The following WWOX variants were observed in gnomAD, a reference collection of about 807,000 sequenced individuals.
The protein encoded by WWOX is WW domain containing oxidoreductase.
In WWOX, 69 loss-of-function variants were observed where a neutral mutation model predicts 46.2. That is an observed-to-expected ratio of 1.49 (90% confidence interval 1.23 to 1.82). WWOX has a LOEUF of 1.82. Ranked by LOEUF, WWOX falls within the 40% of genes most tolerant of loss-of-function variation. WWOX has a pLI of 0.00. For missense variants in WWOX, 919 were observed against 542.6 expected (o/e 1.69, Z -6.89); for synonymous variants, 359 against 202.6 (o/e 1.77, Z -6.56).
intron 8 of WWOX, among the ~76,000 whole-genome samples, chr16:78,930,169 T>C (rs1465669150): frequency 6.7e-6 from 1 of 149,524 alleles, no homozygotes; most frequent in African/African-American, 2.5e-5. Context: ...GGAACTTGGG[T>C]CCTGAAAATT....
At chr16:78,997,157 G>A (rs1431379938) in intron 8 of WWOX, among the ~76,000 whole-genome samples, 1 of 151,354 alleles carries the variant, frequency 6.6e-6, no homozygotes, top group Non-Finnish European at 1.5e-5. Context: ...TGGTGAGGGG[G>A]GTGCTATTTT....
At chr16:78,138,395 C>G (rs2033872785) in intron 4 of WWOX, among the ~76,000 whole-genome samples, 1 of 136,908 alleles carries the variant, frequency 7.3e-6, no homozygotes, top group South Asian at 2.3e-4. Flanking sequence ...TAAAGATGTG[C>G]TCGTGATGTG....
At chr16:78,206,170 G>T (rs1472130270) in intron 5 of WWOX, among the ~76,000 whole-genome samples, 1 of 151,886 alleles carries the variant, frequency 6.6e-6, no homozygotes, top group Non-Finnish European at 1.5e-5. Flanking sequence ...CCATTTCAGG[G>T]TTTTGAGATA....
intron 8 of WWOX, among the ~76,000 whole-genome samples, chr16:78,866,685 C>A (rs760964895): frequency 3.9e-5 from 6 of 152,146 alleles, no homozygotes; most frequent in Non-Finnish European, 7.3e-5. Flanking sequence ...CCTGATTGTT[C>A]TAAGTAAATG....
intron 8 of WWOX, among the ~76,000 whole-genome samples, chr16:79,187,939 G>C (rs1435757616): frequency 1.3e-5 from 2 of 152,200 alleles, no homozygotes; most frequent in Admixed American, 1.3e-4. Context: ...GGATGGCAAG[G>C]CACGATTGAT....
chr16:78,605,636 T>A (rs1310835950), intron 8 of WWOX, among the ~76,000 whole-genome samples: 2 of 152,218 alleles, frequency 1.3e-5, no homozygotes, highest in Non-Finnish European at 2.9e-5. Flanking sequence ...TTTCTTTATT[T>A]AGAAACTCAG....
intron 8 of WWOX, among the ~76,000 whole-genome samples, chr16:79,038,283 A>G (rs1053081811): frequency 2.6e-5 from 4 of 152,202 alleles, no homozygotes; most frequent in Non-Finnish European, 5.9e-5. Flanking sequence ...TGAAGATAAA[A>G]TACATAAAAG....
chr16:78,771,871 A>C (rs547663166), intron 8 of WWOX, among the ~76,000 whole-genome samples: 3 of 152,226 alleles, frequency 2.0e-5, no homozygotes, highest in East Asian at 3.8e-4. Context: ...CTCTCACAAA[A>C]AAAAAGTTAA....
chr16:78,114,916 C>G (rs2032694858), intron 3 of WWOX, 60 bp from the exon 4 acceptor site: 12 of 1,609,106 alleles, frequency 7.5e-6, no homozygotes, highest in South Asian at 1.1e-5. Context: ...ATAAGATTGT[C>G]TTATATTTAT....
At chr16:78,456,699 G>C (rs1374940778) in intron 8 of WWOX, among the ~76,000 whole-genome samples, 3 of 152,162 alleles carry the variant, frequency 2.0e-5, no homozygotes, top group Admixed American at 2.0e-4. Context: ...AAGGATGTAA[G>C]ACAGATTCTA....
At chr16:79,032,451 T>A (rs1057351020) in intron 8 of WWOX, among the ~76,000 whole-genome samples, 14 of 147,378 alleles carry the variant, frequency 9.5e-5, no homozygotes, top group Admixed American at 1.4e-4. Context: ...TATATATGGG[T>A]TTCTATATAT....
Position 78,830,036 on chromosome 16 carries a change from T to A in WWOX, c.1057-381572T>A, listed in dbSNP as rs551315953. On this transcript the variant is annotated intron_variant, in intron 8 of 8. Transcript: ENST00000566780. ...GCTTTGGGAGTCTGAAGTGGTAGGA[T>A]CACTAGAGGTCAGGAGTTCAAGACC... 2.6e-5 allele frequency among the ~76,000 whole-genome samples: 4 copies of A among 152,102 alleles called. No homozygotes were observed. In the South Asian group the frequency reaches 8.3e-4, roughly 32 times the overall value.
intron 8 of WWOX, among the ~76,000 whole-genome samples, chr16:78,797,512 A>G (rs563349994): frequency 3.9e-5 from 6 of 152,268 alleles, no homozygotes; most frequent in Admixed American, 1.3e-4. Context: ...AGTCAAGACA[A>G]GAGTGCCAGC....
At position 78,614,981 on chromosome 16, in the gene WWOX, C is replaced by G. The variant is rs1159250630; in HGVS notation, c.1056+182229C>G. Among the ~76,000 whole-genome samples the G allele has an allele frequency of 2.6e-5, 4 of 152,056 alleles. No individual in the cohort carries two copies. The South Asian group carries it at 8.3e-4, about 32-fold the overall frequency. On this transcript the variant is annotated intron_variant, in intron 8 of 8. Transcript: ENST00000566780. ...TTGATACATGTTTAATCACGTTTTG[C>G]TCTGGGCTGTGTTATATACAGCTCC... is the stretch of plus-strand genomic sequence containing the variant.
intron 8 of WWOX, among the ~76,000 whole-genome samples, chr16:78,973,279 C>G (rs980626332): frequency 1.3e-5 from 2 of 152,064 alleles, no homozygotes; most frequent in South Asian, 2.1e-4. Context: ...TGCAGAAGTC[C>G]GGGCTGTCAT....
At chr16:78,547,688 T>G (rs2044073795) in intron 8 of WWOX, among the ~76,000 whole-genome samples, 2 of 152,280 alleles carry the variant, frequency 1.3e-5, no homozygotes, top group East Asian at 1.9e-4. Context: ...CGGCCCACTT[T>G]CTGGTTCCTA....
chr16:78,514,729 G>T (rs1296387870), intron 8 of WWOX, among the ~76,000 whole-genome samples: 1 of 152,094 alleles, frequency 6.6e-6, no homozygotes, highest in Non-Finnish European at 1.5e-5. Context: ...TGTACAGGGT[G>T]GTTTTCTGGC....
chr16:79,208,373 T>C (rs2051592814), intron 8 of WWOX, among the ~76,000 whole-genome samples: 2 of 108,458 alleles, frequency 1.8e-5, no homozygotes, highest in Non-Finnish European at 4.2e-5. Context: ...TGATAAATGA[T>C]TGATTCTCAA....
chr16:78,868,720 G>C (rs1597083824), intron 8 of WWOX, among the ~76,000 whole-genome samples: 1 of 152,154 alleles, frequency 6.6e-6, no homozygotes, highest in Admixed American at 6.5e-5. Context: ...AACCAATGCT[G>C]ATGAGCCATT....
Sources: allele counts gnomAD v4.1 joint callset (sites outside exome capture counted in the v4.1 genomes callset), GRCh38; gene constraint gnomAD v4.1.1; transcripts MANE v1.5; gene names NCBI Gene and HGNC (gene_info 2026-07-23, HGNC 2026-07-21).